PCDHA12: variants seen among roughly 807,000 people sequenced by gnomAD.
PCDHA12 encodes the protein protocadherin alpha 12.
In PCDHA12, 44 loss-of-function variants were observed where a neutral mutation model predicts 60.0. The ratio of observed to expected loss-of-function variants is 0.73; its 90% confidence interval spans 0.58 to 0.94. The LOEUF is 0.94. Ranked by LOEUF, PCDHA12 falls within the 40% of genes least tolerant of loss-of-function variation. The probability of loss-of-function intolerance (pLI) is 0.00; values close to 1 mark genes in which losing one functional copy is unlikely to be tolerated. For missense variants in PCDHA12, 1,276 were observed against 1,239.7 expected (o/e 1.03, Z -0.44); for synonymous variants, 569 against 553.0 (o/e 1.03, Z -0.40).
Position 140,892,511 on chromosome 5 carries a change from C to T in PCDHA12, c.2367+14672C>T, listed in dbSNP as rs115588708. Among the ~76,000 whole-genome samples the T allele has an allele frequency of 8.0e-3, 1,214 of 152,282 alleles. 6 individuals carry two copies. Among genetic ancestry groups the T allele is most frequent in the African/African-American group, 0.019 (784 of 41,558 alleles). On this transcript the variant is annotated intron_variant, in intron 1 of 3. Coordinates refer to ENST00000398631, the MANE Select transcript of PCDHA12 (RefSeq NM_018903.4). ...TGAGAGATTGTTTAAGAAGTTCCAC[C>T]ATGACTGGTAGACTCAGGATTCTGA...
At chr5:140,912,908 A>T (rs986770915) in intron 1 of PCDHA12, among the ~76,000 whole-genome samples, 8 of 152,188 alleles carry the variant, frequency 5.3e-5, no homozygotes, top group African/African-American at 1.9e-4. Flanking sequence ...TATCATATTG[A>T]TTGATTTGTG....
In PCDHA12 at chr5:140,875,506, C is replaced by A; in HGVS notation, c.34C>A (p.Gln12Lys). The part of the protein sequence containing the change: ...VIIGPRGPGS[Q>K]RLLLSLLLLA... Reference sequence around the variant, plus strand: ...TATCGGACCAAGAGGCCCGGGATCCCAGCGTCTGCTGCTCTCGCTTCTGCT... The same window carrying A: ...TATCGGACCAAGAGGCCCGGGATCCAAGCGTCTGCTGCTCTCGCTTCTGCT... Residue 12 changes from glutamine to lysine, a missense_variant, in exon 1 of 4, where the codon CAG (glutamine) becomes AAG (lysine). Physicochemically the swap from Gln to Lys is moderately conservative, Grantham distance 53. Transcript: ENST00000398631. 1 of 1,613,618 alleles carries A rather than the reference C, an allele frequency of 6.2e-7. No homozygotes were observed. The highest frequency in any genetic ancestry group is 8.5e-7 in the Non-Finnish European group (1 of 1,179,680).
chr5:140,955,889 G>A (rs246016), intron 1 of PCDHA12, among the ~76,000 whole-genome samples: 85,633 of 151,918 alleles, frequency 0.56, 24,754 homozygotes, highest in African/African-American at 0.69. Flanking sequence ...ATTCCTAGGT[G>A]TTTTATTCTC....
chr5:140,937,921 A>G (rs1304092674), intron 1 of PCDHA12, among the ~76,000 whole-genome samples: 2 of 152,184 alleles, frequency 1.3e-5, no homozygotes, highest in Non-Finnish European at 2.9e-5. Flanking sequence ...CAAAAAAAAA[A>G]AAAAAAGTTT....
intron 1 of PCDHA12, chr5:140,928,687 C>A (rs782599747): frequency 6.2e-7 from 1 of 1,614,142 alleles, no homozygotes. Context: ...GCTTTCCTAC[C>A]ACATCTCCCG....
chr5:140,885,945 TA>T (rs2060787135), intron 1 of PCDHA12, among the ~76,000 whole-genome samples: 1 of 152,206 alleles, frequency 6.6e-6, no homozygotes, highest in Non-Finnish European at 1.5e-5. Flanking sequence ...TTGACATTTT[TA>T]ATTAAAATTT....
intron 1 of PCDHA12, chr5:140,926,768 C>T: frequency 2.2e-6 from 3 of 1,361,764 alleles, no homozygotes; most frequent in Non-Finnish European, 2.9e-6. Context: ...GTATCCAGCC[C>T]GCAGCAGTGA....
rs1478499072 is a variant in PCDHA12 at position 140,882,356 on chromosome 5, C to T, written c.2367+4517C>T. 4 of 1,614,070 alleles carry T rather than the reference C, an allele frequency of 2.5e-6. No individual in the cohort carries two copies. The Admixed American group carries it at 5.0e-5, about 20-fold the overall frequency. On this transcript the variant is annotated intron_variant, in intron 1 of 3. Coordinates refer to ENST00000398631, the MANE Select transcript of PCDHA12 (RefSeq NM_018903.4). ...CGCAGCCTGGGAGACGGGTAGTGGC[C>T]AGCTCCACTACTCCGTCCCCGAGGA... is the stretch of plus-strand genomic sequence containing the variant.
intron 1 of PCDHA12, chr5:140,881,383 G>C: frequency 1.0e-6 from 1 of 984,330 alleles, no homozygotes; most frequent in Non-Finnish European, 1.2e-6. Flanking sequence ...AGCCGGCGGC[G>C]GTAAGTTAAA....
At chr5:140,943,112 G>A (rs1250060246) in intron 1 of PCDHA12, among the ~76,000 whole-genome samples, 1 of 151,850 alleles carries the variant, frequency 6.6e-6, no homozygotes, top group African/African-American at 2.4e-5. Flanking sequence ...ACAAAAATTA[G>A]CCAGGTGTGG....
intron 1 of PCDHA12, among the ~76,000 whole-genome samples, chr5:140,977,260 T>C (rs2096752693): frequency 6.6e-6 from 1 of 152,226 alleles, no homozygotes. Flanking sequence ...TCTCAGCAGA[T>C]GTTACAGTCT....
chr5:140,997,864 C>A (rs2097788719), intron 3 of PCDHA12, among the ~76,000 whole-genome samples: 1 of 152,100 alleles, frequency 6.6e-6, no homozygotes, highest in South Asian at 2.1e-4. Context: ...ATTTCTTATG[C>A]ATGCTTGCTA....
intron 1 of PCDHA12, chr5:140,966,328 C>T: frequency 5.1e-6 from 2 of 392,484 alleles, no homozygotes; most frequent in Non-Finnish European, 9.0e-6. Context: ...CGCTGGGATC[C>T]GGCAGGTCCA....
chr5:140,891,009 A>G (rs2062900955), intron 1 of PCDHA12, among the ~76,000 whole-genome samples: 1 of 151,934 alleles, frequency 6.6e-6, no homozygotes, highest in South Asian at 2.1e-4. Flanking sequence ...ATTGAAAAGC[A>G]TTTTTTCTGA....
At chr5:140,982,097 C>A (rs1313290841) in intron 2 of PCDHA12, among the ~76,000 whole-genome samples, 1 of 152,194 alleles carries the variant, frequency 6.6e-6, no homozygotes, top group Non-Finnish European at 1.5e-5. Flanking sequence ...AACAAGAGAA[C>A]CTGCAAGAGA....
intron 1 of PCDHA12, among the ~76,000 whole-genome samples, chr5:140,904,556 T>A (rs1360933277): frequency 5.3e-5 from 8 of 151,780 alleles, no homozygotes; most frequent in Admixed American, 5.3e-4. Context: ...ATATAATGAC[T>A]TTTTTTTCCT....
intron 1 of PCDHA12, among the ~76,000 whole-genome samples, chr5:140,940,236 A>G (rs1487572447): frequency 1.3e-5 from 2 of 152,200 alleles, no homozygotes; most frequent in East Asian, 3.8e-4. Flanking sequence ...TTGGTACATT[A>G]AAGTTACCTC....
intron 1 of PCDHA12, among the ~76,000 whole-genome samples, chr5:140,895,476 G>A (rs928938592): frequency 6.6e-6 from 1 of 152,074 alleles, no homozygotes; most frequent in Non-Finnish European, 1.5e-5. Context: ...ATCCTCTTCG[G>A]AGAAATACCT....
At position 140,903,003 on chromosome 5, in the gene PCDHA12, A is replaced by C. The variant is rs115622636; in HGVS notation, c.2367+25164A>C. On this transcript the variant is annotated intron_variant, in intron 1 of 3. Transcript: ENST00000398631. ...TGGTTCCATATTTTTGCAATTGTGAATTGTGCTGCTATCAACATGGCTTGC... is the reference window on the plus strand; with the variant it reads ...TGGTTCCATATTTTTGCAATTGTGACTTGTGCTGCTATCAACATGGCTTGC... Among the ~76,000 whole-genome samples the C allele has an allele frequency of 4.6e-3, 703 of 152,302 alleles. 3 individuals are homozygous for C. The highest frequency in any genetic ancestry group is 0.016 in the African/African-American group (680 of 41,574).
Sources: gnomAD v4.1 joint callset for allele counts (sites outside exome capture counted in the v4.1 genomes callset) on GRCh38, gnomAD v4.1.1 for gene constraint, MANE v1.5 for transcripts, NCBI Gene and HGNC (gene_info 2026-07-23, HGNC 2026-07-21) for gene names.